Variants in TMEM196 observed in about 807,000 individuals in gnomAD.
TMEM196 encodes transmembrane protein 196.
TMEM196 carries 17 observed loss-of-function variants against 20.0 expected under a neutral mutation model. That is an observed-to-expected ratio of 0.85 (90% CI 0.58 to 1.27). The LOEUF is 1.27. Ranked by LOEUF, TMEM196 falls within the 50% of genes most tolerant of loss-of-function variation. The pLI, the probability that TMEM196 is intolerant of heterozygous loss-of-function variation, is 0.00. For missense variants in TMEM196, 267 were observed against 223.0 expected (o/e 1.20, Z -1.26); for synonymous variants, 113 against 88.9 (o/e 1.27, Z -1.52).
intron 1 of TMEM196, among the ~76,000 whole-genome samples, chr7:19,752,045 A>G (rs1366738122): frequency 6.6e-6 from 1 of 152,242 alleles, no homozygotes; most frequent in Non-Finnish European, 1.5e-5. Context: ...GCTACCAATC[A>G]TACTTGTTTC....
At chr7:19,748,874 T>TA (rs1484011699) in intron 1 of TMEM196, among the ~76,000 whole-genome samples, 4 of 152,302 alleles carry the variant, frequency 2.6e-5, no homozygotes, top group African/African-American at 9.6e-5. Context: ...TACTATTCCT[T>TA]AAAATCATGT....
At chr7:19,764,671 C>T (rs972956660) in intron 1 of TMEM196, among the ~76,000 whole-genome samples, 2 of 152,136 alleles carry the variant, frequency 1.3e-5, no homozygotes, top group Non-Finnish European at 2.9e-5. Flanking sequence ...GACCAGCCCT[C>T]ATAATATTTA....
chr7:19,762,342 C>T (rs1785467067), intron 1 of TMEM196, among the ~76,000 whole-genome samples: 2 of 151,660 alleles, frequency 1.3e-5, no homozygotes, highest in South Asian at 4.2e-4. Flanking sequence ...TCATATAAAC[C>T]ATTATAATAG....
chr7:19,746,320 G>C (rs1784748125), intron 1 of TMEM196, among the ~76,000 whole-genome samples: 1 of 152,170 alleles, frequency 6.6e-6, no homozygotes, highest in Non-Finnish European at 1.5e-5. Context: ...GGAGTACAGA[G>C]GATAAGACTG....
At chr7:19,723,802 T>C (rs1443787520) in intron 4 of TMEM196, among the ~76,000 whole-genome samples, 3 of 152,216 alleles carry the variant, frequency 2.0e-5, no homozygotes, top group African/African-American at 7.2e-5. Context: ...AAATTTAAAA[T>C]GCATCACATA....
intron 1 of TMEM196, among the ~76,000 whole-genome samples, chr7:19,747,093 A>G (rs1343442545): frequency 1.3e-5 from 2 of 151,474 alleles, no homozygotes; most frequent in African/African-American, 4.9e-5. Flanking sequence ...GTCTCTACTA[A>G]AAATACAAAA....
intron 1 of TMEM196, among the ~76,000 whole-genome samples, chr7:19,760,649 C>T (rs1252544336): frequency 6.6e-6 from 1 of 152,212 alleles, no homozygotes; most frequent in Non-Finnish European, 1.5e-5. Context: ...GCGTGAGCCA[C>T]TGCGCCCAGC....
chr7:19,769,092 T>C (rs1337539796), intron 1 of TMEM196, among the ~76,000 whole-genome samples: 4 of 152,140 alleles, frequency 2.6e-5, no homozygotes, highest in Admixed American at 1.3e-4. Context: ...AGCAATCTTA[T>C]AGTAATGATA....
At chr7:19,754,927 T>C (rs1785143067) in intron 1 of TMEM196, among the ~76,000 whole-genome samples, 1 of 152,236 alleles carries the variant, frequency 6.6e-6, no homozygotes. Context: ...TCACAGCTGA[T>C]ACAGCACTTA....
chr7:19,725,890 G>A, intron 2 of TMEM196, 122 bp from the exon 3 acceptor site: 1 of 1,232,116 alleles, frequency 8.1e-7, no homozygotes, highest in Non-Finnish European at 1.1e-6. Flanking sequence ...AAGCGGTTTT[G>A]GTGCTTCACA....
chr7:19,772,449 T>C lies in TMEM196; in HGVS notation c.147+101A>G, dbSNP rs1311906251. The C allele has an allele frequency of 7.7e-6, 10 of 1,299,104 alleles. No homozygotes were observed. The African/African-American group carries it at 1.2e-4, about 16-fold the overall frequency. 80.5% of individuals were successfully genotyped at this position (1,299,104 alleles called of 1,614,324 possible). The stretch of plus-strand genomic sequence containing the variant: ...TGCAAGCCAGAGATCTATGATTTTG[T>C]TTCCCAGGGAGGGAGTGACTAATGC... On this transcript the variant is annotated intron_variant, in intron 1 of 4. Transcript: ENST00000405844.
intron 4 of TMEM196, 113 bp from the exon 5 acceptor site, chr7:19,722,247 TGGGGAAAG>T: frequency 1.2e-6 from 1 of 865,656 alleles, no homozygotes; most frequent in Non-Finnish European, 1.8e-6. Flanking sequence ...TGCTAAGTTT[TGGGGAAAG>T]ACAAGGATAT....
At chr7:19,745,169 C>T (rs1022744863) in intron 1 of TMEM196, among the ~76,000 whole-genome samples, 1 of 152,134 alleles carries the variant, frequency 6.6e-6, no homozygotes, top group African/African-American at 2.4e-5. Flanking sequence ...ATAAATGCTA[C>T]TATGTAAATA....
chr7:19,763,027 C>G (rs1400912396), intron 1 of TMEM196, among the ~76,000 whole-genome samples: 1 of 152,192 alleles, frequency 6.6e-6, no homozygotes, highest in Non-Finnish European at 1.5e-5. Flanking sequence ...CAATTACCAA[C>G]TTTTTCCTAG....
intron 1 of TMEM196, among the ~76,000 whole-genome samples, chr7:19,770,184 C>T (rs186766535): frequency 6.6e-6 from 1 of 152,172 alleles, no homozygotes; most frequent in Non-Finnish European, 1.5e-5. Context: ...CTTTCTCCCC[C>T]TTTTTTGCCT....
chr7:19,731,753 A>T (rs1306511576), intron 1 of TMEM196, among the ~76,000 whole-genome samples: 2 of 152,220 alleles, frequency 1.3e-5, no homozygotes, highest in African/African-American at 2.4e-5. Context: ...GCTATTTTGT[A>T]TTATCTCACT....
chr7:19,732,753 C>A (rs1583423846), intron 1 of TMEM196, among the ~76,000 whole-genome samples: 1 of 151,708 alleles, frequency 6.6e-6, no homozygotes, highest in East Asian at 1.9e-4. Flanking sequence ...CTGATGTAAT[C>A]AAAATAATAA....
chr7:19,747,013 T>C (rs1784778738), intron 1 of TMEM196, among the ~76,000 whole-genome samples: 1 of 152,146 alleles, frequency 6.6e-6, no homozygotes, highest in Non-Finnish European at 1.5e-5. Flanking sequence ...CCCAGCACTT[T>C]GGGAGGCCGA....
intron 1 of TMEM196, among the ~76,000 whole-genome samples, chr7:19,755,382 G>A (rs918509614): frequency 6.6e-6 from 1 of 152,186 alleles, no homozygotes; most frequent in Admixed American, 6.5e-5. Flanking sequence ...AATGTTTGGT[G>A]ATGAATAGAT....
Sources: allele counts gnomAD v4.1 joint callset (sites outside exome capture counted in the v4.1 genomes callset), GRCh38; gene constraint gnomAD v4.1.1; transcripts MANE v1.5; gene names NCBI Gene and HGNC (gene_info 2026-07-23, HGNC 2026-07-21).